Variants in RP1 observed in about 807,000 individuals in gnomAD.
RP1 encodes the protein RP1 axonemal microtubule associated.
Under a neutral mutation model 14.8 loss-of-function variants are expected in RP1, and 16 were observed. That is an observed-to-expected ratio of 1.08 (90% CI 0.73 to 1.65). The LOEUF is 1.65. RP1 is among the 40% of genes most tolerant of loss of function. The pLI, the probability that RP1 is intolerant of heterozygous loss-of-function variation, is 0.00. For synonymous variants in RP1, 876 were observed against 883.6 expected, an observed-to-expected ratio of 0.99 and a Z score of 0.15; for missense variants, 2,631 against 2,535.0, an observed-to-expected ratio of 1.04 and a Z score of -0.81.
chr8:54,605,699 C>G (rs996235443), intron 1 of RP1, among the ~76,000 whole-genome samples: 1 of 152,128 alleles, frequency 6.6e-6, no homozygotes, highest in Non-Finnish European at 1.5e-5. Context: ...TCTCTAAGGA[C>G]TTGCTTTATG....
intron 1 of RP1, among the ~76,000 whole-genome samples, chr8:54,564,530 G>A (rs141726840): frequency 2.8e-3 from 428 of 152,326 alleles, no homozygotes; most frequent in African/African-American, 9.5e-3. Flanking sequence ...CCTTCATGAT[G>A]TCTTGGTGAT....
intron 17 of RP1, among the ~76,000 whole-genome samples, chr8:54,729,609 C>T (rs1200059770): frequency 2.6e-5 from 4 of 151,990 alleles, no homozygotes; most frequent in East Asian, 1.9e-4. Context: ...CCAAAGAGCA[C>T]TTTAAAATCT....
chr8:54,616,654 A>T (rs1585553937), intron 1 of RP1, among the ~76,000 whole-genome samples: 1 of 152,244 alleles, frequency 6.6e-6, no homozygotes, highest in Admixed American at 6.5e-5. Flanking sequence ...TTTTTCTTGC[A>T]ACATCAAGTC....
At chr8:54,570,943 G>A (rs1263669645) in intron 1 of RP1, among the ~76,000 whole-genome samples, 1 of 152,206 alleles carries the variant, frequency 6.6e-6, no homozygotes, top group African/African-American at 2.4e-5. Flanking sequence ...TGCCGCAGCT[G>A]TAATCACTGC....
At chr8:54,671,338 C>A (rs776982833) in intron 7 of RP1, among the ~76,000 whole-genome samples, 1 of 152,064 alleles carries the variant, frequency 6.6e-6, no homozygotes, top group Non-Finnish European at 1.5e-5. Context: ...AGTTTTAGCT[C>A]ATTGAGCTTC....
intron 12 of RP1, among the ~76,000 whole-genome samples, chr8:54,682,278 A>G (rs749333434): frequency 1.2e-4 from 18 of 150,092 alleles, no homozygotes; most frequent in Non-Finnish European, 1.9e-4. Context: ...TCTGGGATAC[A>G]TGTGCAGAAT....
intron 25 of RP1, among the ~76,000 whole-genome samples, chr8:54,838,188 G>A (rs1316718913): frequency 1.3e-5 from 2 of 152,200 alleles, no homozygotes; most frequent in Admixed American, 1.3e-4. Flanking sequence ...CCATTTAGAT[G>A]TGACTTTCTT....
At chr8:54,664,538 A>G (rs914630028) in intron 7 of RP1, among the ~76,000 whole-genome samples, 1 of 152,132 alleles carries the variant, frequency 6.6e-6, no homozygotes, top group Non-Finnish European at 1.5e-5. Flanking sequence ...CAGTTTTGCC[A>G]TCTCCTTGCC....
intron 6 of RP1, among the ~76,000 whole-genome samples, chr8:54,657,005 C>T (rs1468156302): frequency 1.3e-5 from 2 of 152,042 alleles, no homozygotes; most frequent in African/African-American, 2.4e-5. Context: ...GACTGGTAAA[C>T]ATTTGCACAG....
chr8:54,688,949 G>C (rs932956493), intron 12 of RP1, among the ~76,000 whole-genome samples: 1 of 152,134 alleles, frequency 6.6e-6, no homozygotes, highest in Admixed American at 6.6e-5. Context: ...CATGAGCATG[G>C]AATGTTTTTC....
At chr8:54,694,288 GT>G (rs1197455851) in intron 12 of RP1, among the ~76,000 whole-genome samples, 2 of 151,944 alleles carry the variant, frequency 1.3e-5, no homozygotes, top group Non-Finnish European at 2.9e-5. Context: ...CTCTTTTTTT[GT>G]TGTGTCTCTG....
At chr8:54,664,500 C>T (rs150016688) in intron 7 of RP1, among the ~76,000 whole-genome samples, 99 of 152,248 alleles carry the variant, frequency 6.5e-4, no homozygotes, top group African/African-American at 2.3e-3. Context: ...TACCATTTTA[C>T]AATCCCACCA....
intron 1 of RP1, among the ~76,000 whole-genome samples, chr8:54,562,471 T>G (rs1804307251): frequency 6.6e-6 from 1 of 152,132 alleles, no homozygotes; most frequent in Non-Finnish European, 1.5e-5. Context: ...GTGGATCACC[T>G]AAGGTCAGCC....
At chr8:54,745,692 C>G (rs755660653) in intron 19 of RP1, among the ~76,000 whole-genome samples, 28 of 140,534 alleles carry the variant, frequency 2.0e-4, no homozygotes, top group Non-Finnish European at 3.6e-4. Context: ...TTTTTTTTTT[C>G]CAAGCACTGT....
At chr8:54,857,147 T>G (rs1812223533) in intron 27 of RP1, 1 of 881,854 alleles carries the variant, frequency 1.1e-6, no homozygotes, top group African/African-American at 1.8e-5. Context: ...TTTTGCAAAT[T>G]TATGAAAAAT....
chr8:54,795,380 C>T (rs895337065), intron 24 of RP1, among the ~76,000 whole-genome samples: 8 of 151,998 alleles, frequency 5.3e-5, no homozygotes, highest in African/African-American at 1.4e-4. Flanking sequence ...CAAAAAAGAC[C>T]TAAAAACCCT....
chr8:54,712,495 C>A (rs967774610), intron 15 of RP1, among the ~76,000 whole-genome samples: 5 of 152,092 alleles, frequency 3.3e-5, no homozygotes, highest in Non-Finnish European at 7.4e-5. Context: ...CTGTGGGTCA[C>A]CAGTTGTTTT....
rs1807296101 is a variant in RP1 at position 54,676,406 on chromosome 8, A to G, written c.1403-2055A>G. ...GAACCTGTGCCATCTAGAATTTGTT[A>G]CATGACCCCCACTTGAATAAAAATC... On this transcript the variant is annotated intron_variant, in intron 8 of 22. Transcript: ENST00000636932. Among the ~76,000 whole-genome samples, 4 of 152,338 alleles carry G rather than the reference A, an allele frequency of 2.6e-5. No homozygotes were observed. The South Asian group carries it at 8.3e-4, about 32-fold the overall frequency.
intron 24 of RP1, among the ~76,000 whole-genome samples, chr8:54,825,131 G>C (rs1487536604): frequency 6.6e-6 from 1 of 151,966 alleles, no homozygotes; most frequent in Non-Finnish European, 1.5e-5. Flanking sequence ...CACCACGGCC[G>C]GCTAATTTGA....
Sources: gnomAD v4.1 joint callset for allele counts (sites outside exome capture counted in the v4.1 genomes callset) on GRCh38, gnomAD v4.1.1 for gene constraint, MANE v1.5 for transcripts, NCBI Gene and HGNC (gene_info 2026-07-23, HGNC 2026-07-21) for gene names.